FAT1: variants seen among roughly 807,000 people sequenced by gnomAD.
FAT1 encodes the protein FAT atypical cadherin 1.
In FAT1, 171 loss-of-function variants were observed where a neutral mutation model predicts 329.8. The observed-to-expected ratio is 0.52, with a 90% CI of 0.46 to 0.59. The LOEUF is 0.59. Among genes scored for constraint, FAT1 ranks in the 20% least tolerant of loss-of-function variants. The pLI, the probability that FAT1 is intolerant of heterozygous loss-of-function variation, is 0.00. For missense variants in FAT1, 5,672 were observed against 5,774.4 expected, an observed-to-expected ratio of 0.98 and a Z score of 0.57; for synonymous variants, 2,233 against 2,228.6, an observed-to-expected ratio of 1.00 and a Z score of -0.06.
intron 3 of FAT1, among the ~76,000 whole-genome samples, chr4:186,651,724 C>T (rs1741668645): frequency 1.3e-5 from 2 of 152,168 alleles, no homozygotes; most frequent in African/African-American, 2.4e-5. Flanking sequence ...TTGCTGGCCA[C>T]GAGCAAACAC....
Position 186,620,152 on chromosome 4 carries a change from G to A in FAT1, c.6434C>T (p.Thr2145Ile), listed in dbSNP as rs376279669. Residue 2145 changes from threonine (T) to isoleucine (I), a missense_variant, in exon 10 of 27, where the codon ACC (threonine) becomes ATC (isoleucine). Transcript: ENST00000441802. Reference sequence around the variant, plus strand: ...TGTAACAAGATATTCTTTATTTAAGGTGTCAAGCTCAAATTGCTTTTTCAG... The same window carrying A: ...TGTAACAAGATATTCTTTATTTAAGATGTCAAGCTCAAATTGCTTTTTCAG... ...ISLKKQFELDTLNKEYLVTVV... is the reference protein window; with the variant it reads ...ISLKKQFELDILNKEYLVTVV... 110 of 1,613,898 alleles carry A rather than the reference G, an allele frequency of 6.8e-5. No homozygotes were observed. The highest frequency in any genetic ancestry group is 8.8e-5 in the Non-Finnish European group (104 of 1,179,912).
chr4:186,668,972 G>A (rs905703904), intron 2 of FAT1, among the ~76,000 whole-genome samples: 1 of 151,962 alleles, frequency 6.6e-6, no homozygotes, highest in Non-Finnish European at 1.5e-5. Flanking sequence ...TTTATATAGT[G>A]GGTTATAAAC....
rs199764171 is a variant in FAT1 at position 186,708,556 on chromosome 4, T to C, written c.1272A>G (p.Glu424=). ...NYNTGLISIL[E]PVKRQQAAHF... ...GGGCTGCCTGCTGTCTTTTAACTGG[T>C]TCTAAAATAGAAATGAGACCAGTGT... The change falls in exon 2 of 27, where the codon GAA becomes GAG. Residue 424 remains glutamate, a synonymous_variant. Transcript: ENST00000441802. 6.2e-7 allele frequency: 1 copy of C among 1,613,976 alleles called. No homozygotes were observed. Among genetic ancestry groups the C allele is most frequent in the Non-Finnish European group, 8.5e-7 (1 of 1,179,892 alleles).
In FAT1 at chr4:186,618,295, T is replaced by C. The variant is rs2126493354; in HGVS notation, c.8291A>G (p.Lys2764Arg). ...CTTAGTTGTCTCATGATCAAGACTC[T>C]TCTCCAACTTCAGTCTCCCGCTCTG... The part of the protein sequence containing the change: ...DRQSGRLKLE[K>R]SLDHETTKWY... Residue 2764 changes from lysine (K) to arginine (R), a missense_variant, in exon 10 of 27, where the codon AAG (lysine) becomes AGG (arginine). Around this residue, in one of 2 missense-constraint regions of FAT1, gnomAD observed 3,966 missense variants for 3,915.2 expected, o/e 1.01. Transcript: ENST00000441802. 1 of 1,613,916 alleles carries C rather than the reference T, an allele frequency of 6.2e-7. No individual in the cohort carries two copies. Among genetic ancestry groups the C allele is most frequent in the East Asian group, 2.2e-5 (1 of 44,890 alleles).
At chr4:186,687,108 G>A (rs1215930787) in intron 2 of FAT1, among the ~76,000 whole-genome samples, 5 of 152,094 alleles carry the variant, frequency 3.3e-5, no homozygotes, top group Non-Finnish European at 7.4e-5. Flanking sequence ...AATATGCACT[G>A]GGGACAAAGA....
chr4:186,636,769 T>C lies in FAT1; in HGVS notation c.3788A>G (p.Glu1263Gly), dbSNP rs1320698161. The C allele has an allele frequency of 3.1e-6, 5 of 1,614,026 alleles. No individual in the cohort carries two copies. The South Asian group carries it at 5.5e-5, about 18-fold the overall frequency. Residue 1263 changes from glutamate to glycine, a missense_variant, in exon 5 of 27, where the codon GAA becomes GGA. Coordinates refer to ENST00000441802, the MANE Select transcript of FAT1 (RefSeq NM_005245.4). ...RLPEREKPDRERNARREPLYH... is the reference protein window; with the variant it reads ...RLPEREKPDRGRNARREPLYH... ...GAGCGGCTCCCGTCTGGCATTTCTT[T>C]CTCGGTCTGGCTTTTCCCGCTCAGG...
chr4:186,595,638 G>A (rs1027383845), intron 26 of FAT1, 51 bp downstream of exon 26: 1 of 1,604,216 alleles, frequency 6.2e-7, no homozygotes, highest in Admixed American at 1.7e-5. Flanking sequence ...AGATAACACA[G>A]TAACACAACA....
At chr4:186,640,025 T>A (rs146657804) in intron 3 of FAT1, among the ~76,000 whole-genome samples, 8 of 152,160 alleles carry the variant, frequency 5.3e-5, no homozygotes, top group African/African-American at 1.9e-4. Flanking sequence ...TCCCAGCTAA[T>A]TGGGAGGCTG....
intron 2 of FAT1, among the ~76,000 whole-genome samples, chr4:186,696,466 AG>A (rs1405502420): frequency 6.6e-6 from 1 of 152,200 alleles, no homozygotes; most frequent in African/African-American, 2.4e-5. Context: ...AAACATGCAC[AG>A]GATCTATGAA....
intron 3 of FAT1, among the ~76,000 whole-genome samples, chr4:186,641,833 C>G (rs916128756): frequency 3.9e-5 from 6 of 152,018 alleles, no homozygotes; most frequent in Non-Finnish European, 7.4e-5. Context: ...ATGGCGAAAC[C>G]CTGTCTCTAC....
At chr4:186,629,490 G>A (rs1740485296) in intron 7 of FAT1, among the ~76,000 whole-genome samples, 2 of 152,214 alleles carry the variant, frequency 1.3e-5, no homozygotes, top group African/African-American at 4.8e-5. Context: ...TTGACAGTAA[G>A]AGGATTAATT....
intron 3 of FAT1, among the ~76,000 whole-genome samples, chr4:186,650,067 C>T (rs553279031): frequency 2.0e-5 from 3 of 152,230 alleles, no homozygotes; most frequent in South Asian, 2.1e-4. Flanking sequence ...ACTCTACACA[C>T]GAGACAAAAA....
rs2126385272 is a variant in FAT1, at chr4:186,596,472, G to T, written c.13000+68C>A. The T allele has an allele frequency of 1.3e-6, 2 of 1,510,212 alleles. No homozygotes were observed. The highest frequency in any genetic ancestry group is 1.3e-5 in the South Asian group (1 of 77,510). 93.6% of individuals were successfully genotyped at this position (1,510,212 alleles called of 1,614,324 possible). On this transcript the variant is annotated intron_variant, in intron 25 of 26. Transcript: ENST00000441802. The surrounding 1 kb of genome is among the most constrained non-coding windows in gnomAD (Gnocchi z 4.7). ...AATGAAGAGTACACACATTTTGACT[G>T]GACAGAATTTGTAACCTCACTGTTT...
chr4:186,651,200 A>G (rs1741640038), intron 3 of FAT1, among the ~76,000 whole-genome samples: 1 of 151,770 alleles, frequency 6.6e-6, no homozygotes, highest in African/African-American at 2.4e-5. Context: ...CTACAGAAAT[A>G]ACAGACTGTA....
chr4:186,721,652 A>G (rs1420195218), intron 1 of FAT1, among the ~76,000 whole-genome samples: 1 of 152,228 alleles, frequency 6.6e-6, no homozygotes, highest in African/African-American at 2.4e-5. Flanking sequence ...GATTCTACGT[A>G]AAATCAGCCA....
intron 9 of FAT1, among the ~76,000 whole-genome samples, chr4:186,622,079 C>T (rs1379421134): frequency 3.9e-5 from 6 of 152,376 alleles, no homozygotes; most frequent in Middle Eastern, 3.4e-3. Flanking sequence ...GGTGGAAAGA[C>T]AAGGCTATCC....
In FAT1 at chr4:186,722,850, G is replaced by A. The variant is rs756757200; in HGVS notation, c.-19+814C>T. Among the ~76,000 whole-genome samples the A allele has an allele frequency of 2.0e-5, 3 of 151,860 alleles. No homozygotes were observed. In the East Asian group the frequency reaches 5.8e-4, roughly 29 times the overall value. On this transcript the variant is annotated intron_variant, in intron 1 of 26. Coordinates refer to ENST00000441802, the MANE Select transcript of FAT1 (RefSeq NM_005245.4). Reference sequence around the variant, plus strand: ...AAAAAATCGCCTCTATCAGGCACCCGGGAATTGCTTAACAAAAGCCACTTA... The same window carrying A: ...AAAAAATCGCCTCTATCAGGCACCCAGGAATTGCTTAACAAAAGCCACTTA...
chr4:186,669,009 A>C (rs1160582645), intron 2 of FAT1, among the ~76,000 whole-genome samples: 1 of 152,186 alleles, frequency 6.6e-6, no homozygotes, highest in African/African-American at 2.4e-5. Context: ...AGGAACCAAC[A>C]AAAACTATAG....
Position 186,707,278 on chromosome 4 carries a change from G to A in FAT1, c.2550C>T (p.Asp850=), listed in dbSNP as rs1244988096. The A allele has an allele frequency of 3.7e-6, 6 of 1,613,830 alleles. No homozygotes were observed. In the African/African-American group the frequency reaches 8.0e-5, roughly 22 times the overall value. ...EIIQVEATDK[D]LGPNGHVTYS... is the part of the protein sequence containing the mutation. ...ACGTCACGTGTCCGTTGGGCCCCAGGTCTTTATCTGTGGCTTCAACCTGGA... is the reference window on the plus strand; with the variant it reads ...ACGTCACGTGTCCGTTGGGCCCCAGATCTTTATCTGTGGCTTCAACCTGGA... The change falls in exon 2 of 27, where the codon GAC becomes GAT. Residue 850 remains aspartate, a synonymous_variant. Coordinates refer to ENST00000441802, the MANE Select transcript of FAT1 (RefSeq NM_005245.4).
Sources: allele counts gnomAD v4.1 joint callset (sites outside exome capture counted in the v4.1 genomes callset), GRCh38; gene constraint gnomAD v4.1.1; regional missense constraint gnomAD v4.1.1; non-coding constraint Gnocchi (gnomAD v3.1); transcripts MANE v1.5; gene names NCBI Gene and HGNC (gene_info 2026-07-23, HGNC 2026-07-21).